Variants in KLF17 observed in about 807,000 individuals in gnomAD.
The protein encoded by KLF17 is Krueppel-like factor 17.
KLF17 carries 31 observed loss-of-function variants against 34.2 expected under a neutral mutation model. The observed-to-expected ratio is 0.91, with a 90% CI of 0.68 to 1.22. KLF17 has a LOEUF of 1.22. Among genes scored for constraint, KLF17 ranks in the 50% most tolerant of loss-of-function variants. The pLI is 0.00. For synonymous variants in KLF17, 179 were observed against 186.7 expected, an observed-to-expected ratio of 0.96 and a Z score of 0.34; for missense variants, 478 against 505.2, an observed-to-expected ratio of 0.95 and a Z score of 0.52.
At chr1:44,094,823 C>G in the KLF17 span, among the ~76,000 whole-genome samples, 2 of 151,346 alleles carry the variant, frequency 1.3e-5, no homozygotes, top group African/African-American at 4.9e-5. Context: ...TTTTACTGTT[C>G]TATGTCTTTT....
the KLF17 span, among the ~76,000 whole-genome samples, chr1:44,063,712 A>G: frequency 6.6e-6 from 1 of 152,246 alleles, no homozygotes. Flanking sequence ...TTCTTCAACC[A>G]TAGATTCAGA....
At chr1:44,090,084 C>T in the KLF17 span, among the ~76,000 whole-genome samples, 1 of 149,270 alleles carries the variant, frequency 6.7e-6, no homozygotes, top group Non-Finnish European at 1.5e-5. Flanking sequence ...CTGCAGTGAG[C>T]TCTGACCATG....
At chr1:44,098,784 T>C in the KLF17 span, among the ~76,000 whole-genome samples, 6 of 152,196 alleles carry the variant, frequency 3.9e-5, no homozygotes, top group East Asian at 1.2e-3. Context: ...TCTCCTGACC[T>C]TGTGATCCGC....
rs755357997 is a variant in KLF17 at position 44,130,606 on chromosome 1, T to G, written c.1020T>G (p.Tyr340Ter). Residue 340 changes from tyrosine to a stop codon, truncating the protein, a stop_gained, in exon 3 of 4, where the codon TAT becomes TAG. Transcript: ENST00000372299. LOFTEE classifies it high-confidence loss of function. ...LRRHMRVHTR[Y>*]RPYKCDQCSR... ...GACATATGCGGGTACACACCAGATA[T>G]CGACCATATAAATGTGATCAGTGCA... 1 of 1,614,116 alleles carries G rather than the reference T, an allele frequency of 6.2e-7. No homozygotes were observed. The highest frequency in any genetic ancestry group is 8.5e-7 in the Non-Finnish European group (1 of 1,180,018).
chr1:44,092,654 A>C, the KLF17 span, among the ~76,000 whole-genome samples: 3 of 150,356 alleles, frequency 2.0e-5, no homozygotes, highest in South Asian at 6.3e-4. Flanking sequence ...TTTTCCTTTG[A>C]GACAGGGTCT....
At chr1:44,122,476 C>A in intron 1 of KLF17, 2 of 1,153,378 alleles carry the variant, frequency 1.7e-6, no homozygotes, top group Non-Finnish European at 2.6e-6. Context: ...GTTACAGTTT[C>A]ATGACTCAAT....
At chr1:44,095,208 A>G in the KLF17 span, among the ~76,000 whole-genome samples, 1,263 of 87,170 alleles carry the variant, frequency 0.014, 11 homozygotes, top group Admixed American at 0.024. Context: ...GCCTATTTAT[A>G]TCTTTTTTTT....
chr1:44,063,401 G>A, the KLF17 span, among the ~76,000 whole-genome samples: 5 of 152,190 alleles, frequency 3.3e-5, no homozygotes, highest in African/African-American at 9.7e-5. Flanking sequence ...TCATATAGAT[G>A]CCAATCATTA....
chr1:44,063,385 A>T, the KLF17 span, among the ~76,000 whole-genome samples: 1 of 152,222 alleles, frequency 6.6e-6, no homozygotes, highest in African/African-American at 2.4e-5. Flanking sequence ...ATAAAATGGA[A>T]AAAAATCATA....
the KLF17 span, among the ~76,000 whole-genome samples, chr1:44,083,527 T>C: frequency 6.6e-6 from 1 of 152,112 alleles, no homozygotes; most frequent in Non-Finnish European, 1.5e-5. Context: ...CCAGGCGCGG[T>C]GGCTCACGCC....
chr1:44,093,282 G>A, the KLF17 span, among the ~76,000 whole-genome samples: 1 of 152,192 alleles, frequency 6.6e-6, no homozygotes, highest in East Asian at 1.9e-4. Context: ...ACCCTATAGA[G>A]AGAGTAGCTC....
At chr1:44,109,455 T>G in the KLF17 span, among the ~76,000 whole-genome samples, 1 of 152,232 alleles carries the variant, frequency 6.6e-6, no homozygotes, top group Admixed American at 6.5e-5. Flanking sequence ...AGGAAAGGTT[T>G]AATCCTTGGG....
chr1:44,116,513 G>C (rs1260741870), upstream of KLF17, among the ~76,000 whole-genome samples: 1 of 152,022 alleles, frequency 6.6e-6, no homozygotes, highest in Non-Finnish European at 1.5e-5. Flanking sequence ...TCATTTTTCT[G>C]CTCTCATTCG....
At chr1:44,050,449 C>G in the KLF17 span, among the ~76,000 whole-genome samples, 1 of 152,114 alleles carries the variant, frequency 6.6e-6, no homozygotes, top group Non-Finnish European at 1.5e-5. Flanking sequence ...AAGTTACCAC[C>G]CTTGTTCTAG....
the KLF17 span, among the ~76,000 whole-genome samples, chr1:44,050,773 C>G: frequency 2.6e-5 from 4 of 152,250 alleles, no homozygotes; most frequent in East Asian, 7.7e-4. Flanking sequence ...AAAAATTAGC[C>G]AGGCGTGGTG....
At position 44,129,827 on chromosome 1, in the gene KLF17, C is replaced by T; in HGVS notation, c.556C>T (p.Pro186Ser). The T allele has an allele frequency of 6.2e-7, 1 of 1,614,210 alleles. No individual in the cohort carries two copies. Among genetic ancestry groups the T allele is most frequent in the Non-Finnish European group, 8.5e-7 (1 of 1,180,044 alleles). The change falls in exon 2 of 4, where the codon CCT becomes TCT. Residue 186 changes from proline to serine, a missense_variant. Transcript: ENST00000372299. Reference protein sequence around the residue: ...PVPYPGLSTVPSDETLLGPTV... With the variant: ...PVPYPGLSTVSSDETLLGPTV... ...GCCTTACCCTGGCCTCTCGACAGTACCTTCTGACGAAACATTGTTGGGCCC... is the reference window on the plus strand; with the variant it reads ...GCCTTACCCTGGCCTCTCGACAGTATCTTCTGACGAAACATTGTTGGGCCC...
At chr1:44,120,409 T>A (rs2087933041) in intron 1 of KLF17, among the ~76,000 whole-genome samples, 1 of 151,206 alleles carries the variant, frequency 6.6e-6, no homozygotes, top group Non-Finnish European at 1.5e-5. Flanking sequence ...AAGGAGGGGG[T>A]CTGAGAGAAG....
chr1:44,070,639 C>T, the KLF17 span, among the ~76,000 whole-genome samples: 452 of 123,460 alleles, frequency 3.7e-3, 4 homozygotes, highest in East Asian at 0.042. Context: ...TGCTCTGTTG[C>T]CCAGGCTGGA....
At chr1:44,132,533 T>TA (rs2088123669) in intron 3 of KLF17, among the ~76,000 whole-genome samples, 1 of 152,174 alleles carries the variant, frequency 6.6e-6, no homozygotes, top group Non-Finnish European at 1.5e-5. Context: ...TACATCACCT[T>TA]ACGTTACTTC....
Sources: allele counts gnomAD v4.1 joint callset (sites outside exome capture counted in the v4.1 genomes callset), GRCh38; gene constraint gnomAD v4.1.1; transcripts MANE v1.5; gene names NCBI Gene and HGNC (gene_info 2026-07-23, HGNC 2026-07-21).